MBNL1: variants seen among roughly 807,000 people sequenced by gnomAD.
The protein encoded by MBNL1 is muscleblind-like protein 1.
In MBNL1, 8 loss-of-function variants were observed where a neutral mutation model predicts 42.2. The observed-to-expected ratio is 0.19, with a 90% CI of 0.11 to 0.34. The LOEUF (loss-of-function observed/expected upper bound fraction) is 0.34, where lower values mean the gene tolerates loss of function less well. Ranked by LOEUF, MBNL1 falls within the 10% of genes least tolerant of loss-of-function variation. The pLI, the probability that MBNL1 is intolerant of heterozygous loss-of-function variation, is 1.00. For synonymous variants in MBNL1, 169 were observed against 173.9 expected (o/e 0.97, Z 0.22); for missense variants, 309 against 495.3 (o/e 0.62, Z 3.57).
At chr3:152,356,511 G>C (rs1167883051) in intron 2 of MBNL1, among the ~76,000 whole-genome samples, 1 of 152,100 alleles carries the variant, frequency 6.6e-6, no homozygotes, top group Admixed American at 6.5e-5. Context: ...AGTCTCACTT[G>C]GTCGCTGGAG....
At chr3:152,350,222 G>A (rs537493125) in intron 2 of MBNL1, among the ~76,000 whole-genome samples, 31 of 152,224 alleles carry the variant, frequency 2.0e-4, no homozygotes, top group African/African-American at 7.2e-4. Context: ...CATTCAGAAA[G>A]TAACTAGTTA....
chr3:152,446,736 C>A, intron 5 of MBNL1: 1 of 1,613,878 alleles, frequency 6.2e-7, no homozygotes, highest in South Asian at 1.1e-5. Context: ...TGAAGCGACC[C>A]CTCGAGGCAA....
rs16864240 is a variant in MBNL1 at position 152,388,053 on chromosome 3, A to G, written c.175-26888A>G. Among the ~76,000 whole-genome samples the G allele has an allele frequency of 5.7e-4, 87 of 152,318 alleles. 1 individual carries two copies. The East Asian group carries it at 0.016, about 28-fold the overall frequency. On this transcript the variant is annotated intron_variant, in intron 2 of 9. Transcript: ENST00000324210. ...AACCACAGGCCTTTTGCATTGTTTTATGGGCCAACAGGCTTTCACTAGACC... is the reference window on the plus strand; with the variant it reads ...AACCACAGGCCTTTTGCATTGTTTTGTGGGCCAACAGGCTTTCACTAGACC...
In MBNL1 at chr3:152,388,102, T is replaced by A. The variant is rs182687920; in HGVS notation, c.175-26839T>A. ...CCCTTGACATTCTTGTAGTTTAGAT[T>A]TCTGGTTTTTAACATTCAGGAACTG... is the stretch of plus-strand genomic sequence containing the variant. On this transcript the variant is annotated intron_variant, in intron 2 of 9. Coordinates refer to ENST00000324210, the MANE Select transcript of MBNL1 (RefSeq NM_021038.5). Among the ~76,000 whole-genome samples, 7 of 152,322 alleles carry A rather than the reference T, an allele frequency of 4.6e-5. No homozygotes were observed. In the East Asian group the frequency reaches 1.2e-3, roughly 25 times the overall value.
At chr3:152,403,792 A>C (rs1001495845) in intron 2 of MBNL1, among the ~76,000 whole-genome samples, 1 of 152,042 alleles carries the variant, frequency 6.6e-6, no homozygotes, top group Non-Finnish European at 1.5e-5. Context: ...TTCTGGGCTC[A>C]TGAGCCAATT....
intron 9 of MBNL1, among the ~76,000 whole-genome samples, chr3:152,460,321 C>T (rs891912799): frequency 1.3e-5 from 2 of 151,350 alleles, no homozygotes; most frequent in African/African-American, 2.4e-5. Flanking sequence ...TATGTGTACA[C>T]ACAAATCTAC....
intron 2 of MBNL1, among the ~76,000 whole-genome samples, chr3:152,375,472 G>A (rs550704068): frequency 1.3e-5 from 2 of 152,252 alleles, no homozygotes; most frequent in South Asian, 4.2e-4. Context: ...ATTTAGATCT[G>A]GGTGTGGTGG....
intron 3 of MBNL1, among the ~76,000 whole-genome samples, chr3:152,416,822 T>G (rs983206462): frequency 6.6e-6 from 1 of 152,362 alleles, no homozygotes; most frequent in Admixed American, 6.5e-5. Flanking sequence ...GTAACAAATA[T>G]ATTGTTCGTG....
At chr3:152,327,302 C>T (rs2081014493) in intron 2 of MBNL1, among the ~76,000 whole-genome samples, 1 of 151,894 alleles carries the variant, frequency 6.6e-6, no homozygotes, top group South Asian at 2.1e-4. Flanking sequence ...AAGCTCTGTG[C>T]TAGTCCCTGA....
At chr3:152,326,594 G>A (rs1336752120) in intron 2 of MBNL1, among the ~76,000 whole-genome samples, 2 of 151,820 alleles carry the variant, frequency 1.3e-5, no homozygotes, top group Non-Finnish European at 2.9e-5. Flanking sequence ...TTTTCATAAA[G>A]ATCTTTTCAT....
At chr3:152,363,901 A>G (rs1256536228) in intron 2 of MBNL1, among the ~76,000 whole-genome samples, 1 of 152,110 alleles carries the variant, frequency 6.6e-6, no homozygotes, top group Non-Finnish European at 1.5e-5. Flanking sequence ...GTATATAATA[A>G]TCCTTATCAG....
intron 2 of MBNL1, among the ~76,000 whole-genome samples, chr3:152,300,649 G>A (rs1395816283): frequency 4.6e-5 from 7 of 152,078 alleles, no homozygotes; most frequent in Non-Finnish European, 1.0e-4. Flanking sequence ...GTGTCTGTCT[G>A]TCCCTGGAAA....
chr3:152,456,543 C>G (rs930893666), intron 8 of MBNL1, among the ~76,000 whole-genome samples, 182 bp downstream of exon 8: 1 of 152,172 alleles, frequency 6.6e-6, no homozygotes, highest in African/African-American at 2.4e-5. Context: ...CACATTCTCT[C>G]TATGATGAGC....
At position 152,459,364 on chromosome 3, in the gene MBNL1, A is replaced by G; in HGVS notation, c.*18+19A>G. 1.5e-6 allele frequency: 2 copies of G among 1,361,208 alleles called. No homozygotes were observed. Among genetic ancestry groups the G allele is most frequent in the Non-Finnish European group, 2.0e-6 (2 of 993,492 alleles). The allele number at this position is 1,361,208 out of a possible 1,614,324, so 84.3% of individuals were successfully genotyped here. ...CTAAACAGTAAGTTCATTATGTAAT[A>G]TATAGTTGCATATTTGTGGTGGTTT... is the stretch of plus-strand genomic sequence containing the variant. On this transcript the variant is annotated intron_variant, in intron 9 of 9. Transcript: ENST00000324210.
At chr3:152,382,454 G>A (rs1253883940) in intron 2 of MBNL1, among the ~76,000 whole-genome samples, 1 of 152,020 alleles carries the variant, frequency 6.6e-6, no homozygotes, top group Non-Finnish European at 1.5e-5. Flanking sequence ...GATAATGGAA[G>A]CAGGACTTTC....
In MBNL1 at chr3:152,335,183, G is replaced by A. The variant is rs139991550; in HGVS notation, c.174+34816G>A. On this transcript the variant is annotated intron_variant, in intron 2 of 9. Transcript: ENST00000324210. ...CATGGCACCATGGCAAGAAGAAGCT[G>A]TATCTTATCTATGGAAGATAAAGCA... 1.1e-3 allele frequency: 1,428 copies of A among 1,289,640 alleles called. 12 individuals carry two copies. The African/African-American group carries it at 0.02, about 18-fold the overall frequency. 79.9% of individuals were successfully genotyped at this position (1,289,640 alleles called of 1,614,324 possible).
At chr3:152,343,237 G>C (rs1307897980) in intron 2 of MBNL1, among the ~76,000 whole-genome samples, 1 of 152,192 alleles carries the variant, frequency 6.6e-6, no homozygotes, top group Non-Finnish European at 1.5e-5. Context: ...CTGTTAAGCA[G>C]ATGATGGGAT....
intron 1 of MBNL1, among the ~76,000 whole-genome samples, chr3:152,293,055 C>T (rs1230006848): frequency 1.3e-5 from 2 of 152,158 alleles, no homozygotes; most frequent in Admixed American, 6.5e-5. Context: ...GCGTGAGCCA[C>T]GGTGCCCGGC....
chr3:152,397,370 CT>C (rs753462570), intron 2 of MBNL1, among the ~76,000 whole-genome samples: 2 of 152,158 alleles, frequency 1.3e-5, no homozygotes, highest in African/African-American at 2.4e-5. Context: ...ACCCCTACCC[CT>C]GACAGGCCCT....
Sources: allele counts gnomAD v4.1 joint callset (sites outside exome capture counted in the v4.1 genomes callset), GRCh38; gene constraint gnomAD v4.1.1; transcripts MANE v1.5; gene names NCBI Gene and HGNC (gene_info 2026-07-23, HGNC 2026-07-21).